Variants in MOB3B observed in about 807,000 individuals in gnomAD.
MOB3B encodes the protein MOB kinase activator-like 2B.
A neutral mutation model predicts 18.7 loss-of-function variants in MOB3B; 7 were observed. That is an observed-to-expected ratio of 0.37 (90% CI 0.21 to 0.70). The LOEUF is 0.70. MOB3B is among the 30% of genes least tolerant of loss of function. The pLI is 0.52. For missense variants in MOB3B, 253 were observed against 281.3 expected, an observed-to-expected ratio of 0.90 and a Z score of 0.72; for synonymous variants, 111 against 99.9, an observed-to-expected ratio of 1.11 and a Z score of -0.66.
At chr9:27,436,488 C>T (rs1226028185) in intron 2 of MOB3B, among the ~76,000 whole-genome samples, 1 of 152,186 alleles carries the variant, frequency 6.6e-6, no homozygotes, top group Non-Finnish European at 1.5e-5. Context: ...CATTAGCTCA[C>T]TGTCTGGCAT....
intron 3 of MOB3B, among the ~76,000 whole-genome samples, chr9:27,334,597 T>C (rs1820836050): frequency 1.3e-5 from 2 of 152,198 alleles, no homozygotes; most frequent in Non-Finnish European, 2.9e-5. Context: ...TTGATAGCCA[T>C]TGAACAAACT....
intron 2 of MOB3B, 132 bp from the exon 3 acceptor site, chr9:27,359,368 T>G (rs1821239685): frequency 7.8e-5 from 26 of 335,112 alleles, no homozygotes; most frequent in South Asian, 1.5e-4. Flanking sequence ...TCATAGGGAG[T>G]GTGTGTGTGT....
intron 1 of MOB3B, among the ~76,000 whole-genome samples, chr9:27,485,798 A>G (rs370793682): frequency 1.3e-5 from 2 of 152,352 alleles, no homozygotes; most frequent in East Asian, 3.9e-4. Context: ...GTAATAGGAA[A>G]AAAATGGCAG....
chr9:27,378,610 C>T (rs1322237340), intron 2 of MOB3B: 1 of 471,110 alleles, frequency 2.1e-6, no homozygotes, highest in Non-Finnish European at 4.4e-6. Flanking sequence ...CCCTGTATCT[C>T]ACTCTATGGC....
At chr9:27,460,604 A>C (rs190348121) in intron 1 of MOB3B, among the ~76,000 whole-genome samples, 88 of 152,316 alleles carry the variant, frequency 5.8e-4, no homozygotes, top group African/African-American at 2.1e-3. Flanking sequence ...CCTTGGTGGT[A>C]CTGAAGGGTG....
rs556962751 is a variant in MOB3B, at chr9:27,329,938, T to G, written c.*649A>C. 1 of 152,378 alleles carries G rather than the reference T, an allele frequency of 6.6e-6. No individual in the cohort carries two copies. The highest frequency in any genetic ancestry group is 2.1e-4 in the South Asian group (1 of 4,822). The allele number at this position is 152,378 out of a possible 1,614,324, so 9.4% of individuals were successfully genotyped here. ...TTTGGGGCAGAGACAAGCCACCCCA[T>G]GGAGTGTCCCTGATAAAACTATTTA... On this transcript the variant is annotated 3_prime_UTR_variant, in exon 4 of 4. Coordinates refer to ENST00000262244, the MANE Select transcript of MOB3B (RefSeq NM_024761.5).
intron 2 of MOB3B, among the ~76,000 whole-genome samples, chr9:27,386,896 C>T (rs72721200): frequency 2.0e-5 from 3 of 152,208 alleles, no homozygotes; most frequent in South Asian, 2.1e-4. Flanking sequence ...GAGCTCTCAT[C>T]CCTCCTAAGG....
chr9:27,517,647 C>CAAAAAAAAAAAAAAAAAAAAAAAAAAAA (rs756559270), intron 1 of MOB3B, among the ~76,000 whole-genome samples: 1 of 54,268 alleles, frequency 1.8e-5, no homozygotes, highest in Non-Finnish European at 3.0e-5. Context: ...GACTCTGTCT[C>CAAAAAAAAAAAAAAAAAAAAAAAAAAAA]AAAAAAAAAA....
chr9:27,348,822 C>G (rs1298746220), intron 3 of MOB3B, among the ~76,000 whole-genome samples: 2 of 152,182 alleles, frequency 1.3e-5, no homozygotes, highest in Non-Finnish European at 2.9e-5. Context: ...GTTGCCCTCT[C>G]TGATATCAGG....
chr9:27,336,948 G>A (rs537829029), intron 3 of MOB3B, among the ~76,000 whole-genome samples: 10 of 152,300 alleles, frequency 6.6e-5, no homozygotes, highest in African/African-American at 2.4e-4. Context: ...CCCGGAAAAG[G>A]CCGTCAAAGG....
chr9:27,492,471 C>T (rs1025247676), intron 1 of MOB3B, among the ~76,000 whole-genome samples: 2 of 152,212 alleles, frequency 1.3e-5, no homozygotes, highest in Non-Finnish European at 2.9e-5. Flanking sequence ...AACAGGTAGT[C>T]TGCCAGCGAA....
chr9:27,366,368 G>C (rs1371354874), intron 2 of MOB3B, among the ~76,000 whole-genome samples: 2 of 152,036 alleles, frequency 1.3e-5, no homozygotes, highest in Non-Finnish European at 2.9e-5. Context: ...AAAAATTCCA[G>C]TAATTTCTGC....
chr9:27,438,624 T>C (rs555297914), intron 2 of MOB3B, among the ~76,000 whole-genome samples: 1 of 152,328 alleles, frequency 6.6e-6, no homozygotes, highest in South Asian at 2.1e-4. Context: ...GTTTTGGTCA[T>C]ATTTGTTAAA....
chr9:27,440,024 T>G (rs1283540460), intron 2 of MOB3B, among the ~76,000 whole-genome samples: 1 of 152,164 alleles, frequency 6.6e-6, no homozygotes, highest in Admixed American at 6.5e-5. Context: ...GAGAAAATGG[T>G]AGACATCATT....
At chr9:27,461,574 C>G (rs1403400600) in intron 1 of MOB3B, among the ~76,000 whole-genome samples, 1 of 152,234 alleles carries the variant, frequency 6.6e-6, no homozygotes, top group East Asian at 1.9e-4. Flanking sequence ...TTTCTGAACA[C>G]AGATGAAGTT....
At chr9:27,517,637 G>C (rs3849938) in intron 1 of MOB3B, among the ~76,000 whole-genome samples, 81,119 of 121,564 alleles carry the variant, frequency 0.67, 26,978 homozygotes, top group Non-Finnish European at 0.72. Flanking sequence ...GACAGAGCGA[G>C]ACTCTGTCTC....
In MOB3B at chr9:27,478,527, T is replaced by G. The variant is rs368171868; in HGVS notation, c.-198-22779A>C. 3.9e-4 allele frequency among the ~76,000 whole-genome samples: 60 copies of G among 152,030 alleles called. 1 individual carries two copies. The South Asian group carries it at 0.01, about 26-fold the overall frequency. ...TGAGAAAAACATGTTAAATTGCATA[T>G]TAGATACAGCTGAAAAGAGAATTAC... On this transcript the variant is annotated intron_variant, in intron 1 of 3. Coordinates refer to ENST00000262244, the MANE Select transcript of MOB3B (RefSeq NM_024761.5).
intron 1 of MOB3B, among the ~76,000 whole-genome samples, chr9:27,490,877 GAAAGCCCAGA>G (rs1027334271): frequency 3.3e-5 from 5 of 151,996 alleles, no homozygotes; most frequent in African/African-American, 1.2e-4. Flanking sequence ...AGGGTCTGAG[GAAAGCCCAGA>G]AAAGCAAATT....
chr9:27,382,007 G>A (rs1020071872), intron 2 of MOB3B, among the ~76,000 whole-genome samples: 13 of 152,080 alleles, frequency 8.5e-5, no homozygotes, highest in African/African-American at 2.7e-4. Flanking sequence ...CTCTAGCTTC[G>A]GGCCTTGGAG....
Sources: allele counts gnomAD v4.1 joint callset (sites outside exome capture counted in the v4.1 genomes callset), GRCh38; gene constraint gnomAD v4.1.1; transcripts MANE v1.5; gene names NCBI Gene and HGNC (gene_info 2026-07-23, HGNC 2026-07-21).